Variants in HERPUD1 observed in about 807,000 individuals in gnomAD.
The protein encoded by HERPUD1 is homocysteine-responsive endoplasmic reticulum-resident ubiquitin-like domain member 1 protein.
A neutral mutation model predicts 45.0 loss-of-function variants in HERPUD1; 17 were observed. The ratio of observed to expected loss-of-function variants is 0.38; its 90% CI spans 0.26 to 0.57. The LOEUF (loss-of-function observed/expected upper bound fraction) is 0.57, where lower values mean the gene tolerates loss of function less well. HERPUD1 is among the 20% of genes least tolerant of loss of function. The pLI, the probability that HERPUD1 is intolerant of heterozygous loss-of-function variation, is 0.72. For missense variants in HERPUD1, 420 were observed against 490.5 expected (o/e 0.86, Z 1.36); for synonymous variants, 164 against 177.5 (o/e 0.92, Z 0.61).
intron 6 of HERPUD1, 44 bp from the exon 7 acceptor site, chr16:56,942,088 C>T (rs1360104990): frequency 6.7e-7 from 1 of 1,494,582 alleles, no homozygotes; most frequent in Non-Finnish European, 9.3e-7. Flanking sequence ...GTAAGTCTCA[C>T]TGTGACATCA....
Position 56,944,687 on chromosome 16 carries a change from C to T in HERPUD1, c.*1397C>T. On this transcript the variant is annotated 3_prime_UTR_variant, in exon 8 of 8. Coordinates refer to ENST00000439977, the MANE Select transcript of HERPUD1 (RefSeq NM_014685.4). ...TCACCCATGTTGGCCAGGCTGGTCT[C>T]AAACCCCTGACCTCAGGTGATCTGC... 6.6e-6 allele frequency: 1 copy of T among 152,266 alleles called. No homozygotes were observed. The highest frequency in any genetic ancestry group is 1.5e-5 in the Non-Finnish European group (1 of 68,040). 9.4% of individuals were successfully genotyped at this position (152,266 alleles called of 1,614,324 possible). A position where few individuals can be genotyped will look rare whatever the true frequency, so the allele number is the denominator to read the frequency against.
At chr16:56,934,702 CTTTTTTTTTTTTTTTTTTTTTTTT>C (rs869088050) in intron 1 of HERPUD1, among the ~76,000 whole-genome samples, 39 of 59,862 alleles carry the variant, frequency 6.5e-4, no homozygotes, top group Non-Finnish European at 1.8e-4. Flanking sequence ...ATTTGCCATT[CTTTTTTTTTTTTTTTTTTTTTTTT>C]TTTGAGATAG....
At chr16:56,936,355 T>A (rs1402206203) in intron 3 of HERPUD1, 1 of 164,820 alleles carries the variant, frequency 6.1e-6, no homozygotes, top group African/African-American at 2.4e-5. Context: ...TGGGTTGTAT[T>A]TATAAATCTT....
At position 56,932,302 on chromosome 16, in the gene HERPUD1, C is replaced by A; in HGVS notation, c.58C>A (p.Arg20Ser). ...GCTCCTGGTGAAGAGCCCCAACCAG[C>A]GCCACCGCGACTTGGAGCTGAGTGG... is the stretch of plus-strand genomic sequence containing the variant. ...VTLLVKSPNQ[R>S]HRDLELSGDR... The change falls in exon 1 of 8, where the codon CGC (arginine) becomes AGC (serine). Residue 20 changes from arginine (R) to serine (S), a missense_variant. Physicochemically the swap from Arg to Ser is moderately radical, Grantham distance 110 (BLOSUM62 -1). Transcript: ENST00000439977. 1.9e-6 allele frequency: 3 copies of A among 1,608,588 alleles called. No individual in the cohort carries two copies. Among genetic ancestry groups the A allele is most frequent in the Non-Finnish European group, 2.5e-6 (3 of 1,179,170 alleles).
At chr16:56,940,972 A>G (rs1439726023) in intron 6 of HERPUD1, 1 of 152,142 alleles carries the variant, frequency 6.6e-6, no homozygotes, top group African/African-American at 2.4e-5. Flanking sequence ...TAAATACATA[A>G]TAAATAGTAT....
chr16:56,940,287 G>C, intron 6 of HERPUD1, 42 bp downstream of exon 6: 1 of 1,386,528 alleles, frequency 7.2e-7, no homozygotes, highest in Non-Finnish European at 1.0e-6. Flanking sequence ...ACTACACTGT[G>C]TTCACACTAA....
At chr16:56,935,553 A>AC in intron 3 of HERPUD1, 78 bp downstream of exon 3, 1 of 1,214,338 alleles carries the variant, frequency 8.2e-7, no homozygotes, top group South Asian at 1.2e-5. Context: ...GTTGGATAAA[A>AC]CGTTTATTGA....
chr16:56,937,118 G>A, intron 4 of HERPUD1: 1 of 201,456 alleles, frequency 5.0e-6, no homozygotes, highest in Non-Finnish European at 1.0e-5. Context: ...GGAAATTAGT[G>A]CTGCTGCAGG....
In HERPUD1 at chr16:56,939,267, C is replaced by T. The variant is rs748935599; in HGVS notation, c.462C>T (p.Gly154=). 1 of 1,614,198 alleles carries T rather than the reference C, an allele frequency of 6.2e-7. No individual in the cohort carries two copies. Among genetic ancestry groups the T allele is most frequent in the Admixed American group, 1.7e-5 (1 of 60,036 alleles). The change falls in exon 5 of 8, where the codon GGC becomes GGT. Residue 154 remains glycine (G), a synonymous_variant. Coordinates refer to ENST00000439977, the MANE Select transcript of HERPUD1 (RefSeq NM_014685.4). Reference sequence around the variant, plus strand: ...AAGCTGCCCAGCAGGCATTCCAAGGCCTGGGTCCTGGTTTCTCCGGTTACA... The same window carrying T: ...AAGCTGCCCAGCAGGCATTCCAAGGTCTGGGTCCTGGTTTCTCCGGTTACA... The part of the protein sequence containing the change: ...RPEAAQQAFQ[G]LGPGFSGYTP...
At chr16:56,938,532 C>A (rs2055883746) in intron 4 of HERPUD1, among the ~76,000 whole-genome samples, 1 of 149,784 alleles carries the variant, frequency 6.7e-6, no homozygotes, top group Non-Finnish European at 1.5e-5. Context: ...CATTGCACTC[C>A]AGGCTGGGCA....
At chr16:56,939,455 A>T in intron 5 of HERPUD1, 96 bp downstream of exon 5, 2 of 1,485,620 alleles carry the variant, frequency 1.3e-6, no homozygotes, top group African/African-American at 2.8e-5. Context: ...TGGAGGGATG[A>T]GTGTATTTTC....
rs572336695 is a variant in HERPUD1, at chr16:56,943,871, G to A, written c.*581G>A. 1.1e-3 allele frequency: 209 copies of A among 198,608 alleles called. No homozygotes were observed. The highest frequency in any genetic ancestry group is 9.6e-4 in the Non-Finnish European group (90 of 93,814). The allele number at this position is 198,608 out of a possible 1,614,324, so 12.3% of individuals were successfully genotyped here. A position where few individuals can be genotyped will look rare whatever the true frequency, so the allele number is the denominator to read the frequency against. ...TTTCTGTTCAATAAAGTTTTACTAT[G>A]AATGACCCTGGCAGAGACTCCTGTC... On this transcript the variant is annotated 3_prime_UTR_variant, in exon 8 of 8. Transcript: ENST00000439977.
intron 6 of HERPUD1, chr16:56,941,334 C>G (rs564355731): frequency 1.3e-5 from 2 of 152,206 alleles, no homozygotes; most frequent in Non-Finnish European, 2.9e-5. Flanking sequence ...TTTGTACCCT[C>G]TCTCCCCAGG....
At chr16:56,933,591 A>G (rs1382543195) in intron 1 of HERPUD1, among the ~76,000 whole-genome samples, 1 of 152,234 alleles carries the variant, frequency 6.6e-6, no homozygotes, top group Non-Finnish European at 1.5e-5. Flanking sequence ...CCATCTGTTC[A>G]GTCTGAAGAC....
chr16:56,939,031 TG>T, intron 4 of HERPUD1: 1 of 592,042 alleles, frequency 1.7e-6, no homozygotes. Context: ...TCCTGTGGGA[TG>T]GGACTGTGGT....
intron 3 of HERPUD1, 67 bp from the exon 4 acceptor site, chr16:56,936,620 T>C: frequency 7.0e-7 from 1 of 1,435,524 alleles, no homozygotes; most frequent in Non-Finnish European, 9.2e-7. Flanking sequence ...GCAAAATAAT[T>C]CCTTTTGCTT....
At chr16:56,936,291 A>G (rs8044804) in intron 3 of HERPUD1, 48,294 of 153,170 alleles carry the variant, frequency 0.32, 8,175 homozygotes, top group African/African-American at 0.44. Context: ...GATCAAAAAC[A>G]GTATCATACC....
chr16:56,934,358 A>C (rs1433402646), intron 1 of HERPUD1, among the ~76,000 whole-genome samples: 2 of 152,220 alleles, frequency 1.3e-5, no homozygotes, highest in African/African-American at 4.8e-5. Flanking sequence ...GTGGCAGCAG[A>C]TGACCTTGGA....
intron 1 of HERPUD1, chr16:56,933,300 C>T: frequency 2.2e-6 from 1 of 455,998 alleles, no homozygotes; most frequent in South Asian, 1.5e-5. Context: ...TTCATATGGT[C>T]AAGAATGTTT....
Sources: allele counts gnomAD v4.1 joint callset (sites outside exome capture counted in the v4.1 genomes callset), GRCh38; gene constraint gnomAD v4.1.1; transcripts MANE v1.5; gene names NCBI Gene and HGNC (gene_info 2026-07-23, HGNC 2026-07-21).